Variants in USF3 observed in about 807,000 individuals in gnomAD.
The protein encoded by USF3 is basic helix-loop-helix domain-containing protein USF3.
USF3 carries 29 observed loss-of-function variants against 157.5 expected under a neutral mutation model. The ratio of observed to expected loss-of-function variants is 0.18; its 90% CI spans 0.14 to 0.25. The LOEUF (loss-of-function observed/expected upper bound fraction) is 0.25, where lower values mean the gene tolerates loss of function less well. USF3 is among the 10% of genes least tolerant of loss of function. The pLI is 1.00. For synonymous variants in USF3, 893 were observed against 941.4 expected, an observed-to-expected ratio of 0.95 and a Z score of 0.94; for missense variants, 2,381 against 2,667.6, an observed-to-expected ratio of 0.89 and a Z score of 2.37.
chr3:113,691,111 C>CA (rs1707671975), intron 1 of USF3, among the ~76,000 whole-genome samples: 1 of 152,174 alleles, frequency 6.6e-6, no homozygotes, highest in Admixed American at 6.5e-5. Flanking sequence ...ATGGCTTGAG[C>CA]CCAGGAGGCG....
chr3:113,695,453 C>T (rs933740704), intron 1 of USF3, among the ~76,000 whole-genome samples: 1 of 152,208 alleles, frequency 6.6e-6, no homozygotes, highest in Non-Finnish European at 1.5e-5. Context: ...ATCCATGTAA[C>T]TCACCGTAAG....
chr3:113,661,059 G>A lies in USF3; in HGVS notation c.623C>T (p.Pro208Leu), dbSNP rs1947476084. 6.2e-7 allele frequency: 1 copy of A among 1,614,044 alleles called. No individual in the cohort carries two copies. The highest frequency in any genetic ancestry group is 1.1e-5 in the South Asian group (1 of 91,078). Residue 208 changes from proline (P) to leucine (L), a missense_variant, in exon 7 of 7, where the codon CCA becomes CTA. Around this residue, in one of 6 missense-constraint regions of USF3, gnomAD observed 1,435 missense variants for 1,550.9 expected, o/e 0.93. Transcript: ENST00000316407. The stretch of plus-strand genomic sequence containing the variant: ...TGCAGGAACTGTGGTCTGATGCCAT[G>A]GCTTGTTTTCAGAAGGGTAAACTCC... ...ISGVYPSENK[P>L]WHQTTVPALA... is the part of the protein sequence containing the mutation.
chr3:113,660,260 C>T lies in USF3; in HGVS notation c.1422G>A (p.Val474=). The T allele has an allele frequency of 6.2e-7, 1 of 1,614,176 alleles. No individual in the cohort carries two copies. The highest frequency in any genetic ancestry group is 1.3e-5 in the African/African-American group (1 of 75,040). ...SPTTSNHSRY[V]ATDINLNNSF... is the part of the protein sequence containing the mutation. The stretch of plus-strand genomic sequence containing the variant: ...AATTATTCAAGTTGATGTCTGTAGC[C>T]ACATATCTACTGTGGTTGCTTGTGG... The change falls in exon 7 of 7, where the codon GTG becomes GTA. Residue 474 remains valine, a synonymous_variant. Transcript: ENST00000316407.
rs367971917 is a variant in USF3 at position 113,656,473 on chromosome 3, A to T, written c.5209T>A (p.Phe1737Ile). The change falls in exon 7 of 7, where the codon TTT becomes ATT. Residue 1737 changes from phenylalanine to isoleucine, a missense_variant. By Grantham distance (21) the Phe-to-Ile change is conservative. Transcript: ENST00000316407. ...TGTTGACTAGCTCCACTTGGTTTAA[A>T]CGTCTGACAATCAGAAAGGCGGATA... ...SDIRLSDCQT[F>I]KPSGASQQPQ... 6.2e-7 allele frequency: 1 copy of T among 1,614,120 alleles called. No homozygotes were observed. Among genetic ancestry groups the T allele is most frequent in the Non-Finnish European group, 8.5e-7 (1 of 1,180,038 alleles).
chr3:113,658,833 T>A lies in USF3; in HGVS notation c.2849A>T (p.Asp950Val). The A allele has an allele frequency of 6.2e-7, 1 of 1,614,128 alleles. No homozygotes were observed. Among genetic ancestry groups the A allele is most frequent in the Admixed American group, 1.7e-5 (1 of 60,012 alleles). ...AACCTGAGAAACCAAAATGTGAGGA[T>A]CACTTGGAGATGGAATCAATACATT... ...SANVLIPSPS[D>V]PHILVSQVPG... Residue 950 changes from aspartate to valine, a missense_variant, in exon 7 of 7, where the codon GAT (aspartate) becomes GTT (valine). Transcript: ENST00000316407.
intron 1 of USF3, among the ~76,000 whole-genome samples, chr3:113,679,645 C>T (rs1025519521): frequency 7.2e-5 from 11 of 152,082 alleles, no homozygotes; most frequent in African/African-American, 1.2e-4. Flanking sequence ...AACTCCTGAC[C>T]TCAAGCGACC....
Position 113,659,904 on chromosome 3 carries a change from A to T in USF3, c.1778T>A (p.Leu593His). The T allele has an allele frequency of 6.2e-7, 1 of 1,614,182 alleles. No homozygotes were observed. The highest frequency in any genetic ancestry group is 8.5e-7 in the Non-Finnish European group (1 of 1,180,022). ...IQAANQNPLPLLPAPPPGSVR... is the reference protein window; with the variant it reads ...IQAANQNPLPHLPAPPPGSVR... ...AGAACCAGGAGGTGGAGCAGGGAGG[A>T]GTGGCAAAGGATTCTGATTAGCAGC... The change falls in exon 7 of 7, where the codon CTC (leucine) becomes CAC (histidine). Residue 593 changes from leucine (L) to histidine (H), a missense_variant. Physicochemically the swap from Leu to His is moderately conservative, Grantham distance 99. Coordinates refer to ENST00000316407, the MANE Select transcript of USF3 (RefSeq NM_001009899.4).
At chr3:113,688,549 A>G (rs1707610257) in intron 1 of USF3, among the ~76,000 whole-genome samples, 1 of 152,264 alleles carries the variant, frequency 6.6e-6, no homozygotes, top group Non-Finnish European at 1.5e-5. Flanking sequence ...GGTTCAGTAT[A>G]TAGGATGTAG....
At chr3:113,665,109 T>C (rs1292155240) in intron 5 of USF3, among the ~76,000 whole-genome samples, 1 of 152,142 alleles carries the variant, frequency 6.6e-6, no homozygotes, top group Non-Finnish European at 1.5e-5. Flanking sequence ...AATAAGGTGA[T>C]ACCTGAGCAA....
chr3:113,668,185 A>G (rs1329508134), intron 5 of USF3, among the ~76,000 whole-genome samples: 1 of 152,044 alleles, frequency 6.6e-6, no homozygotes, highest in East Asian at 1.9e-4. Context: ...CTTCCTGCCC[A>G]AACCGCAGGA....
At chr3:113,696,340 T>A (rs1707799828) in intron 1 of USF3, 30 bp downstream of exon 1, 1 of 124,752 alleles carries the variant, frequency 8.0e-6, no homozygotes, top group African/African-American at 3.0e-5. Context: ...CCGCCCCGGC[T>A]GTCAGCGGCC....
At position 113,659,692 on chromosome 3, in the gene USF3, T is replaced by C. The variant is rs1559709995; in HGVS notation, c.1990A>G (p.Ile664Val). The change falls in exon 7 of 7, where the codon ATT (isoleucine) becomes GTT (valine). Residue 664 changes from isoleucine to valine, a missense_variant. Ile to Val is a conservative substitution (Grantham distance 29, BLOSUM62 3). Coordinates refer to ENST00000316407, the MANE Select transcript of USF3 (RefSeq NM_001009899.4). ...GCAAAGAGCTGTCCATTTAAAGAAA[T>C]GGTTTGAGGCTGTTGGTTTGACATG... ...VTMSNQQPQT[I>V]SLNGQLFALQ... 8 of 1,614,168 alleles carry C rather than the reference T, an allele frequency of 5.0e-6. No individual in the cohort carries two copies. The East Asian group carries it at 1.8e-4, about 36-fold the overall frequency.
chr3:113,663,644 T>TTC (rs1238756145), intron 6 of USF3, among the ~76,000 whole-genome samples: 1 of 152,194 alleles, frequency 6.6e-6, no homozygotes, highest in Admixed American at 6.5e-5. Flanking sequence ...TCACAGAAAA[T>TTC]TCTCTCCTTG....
At chr3:113,686,976 G>A (rs549747719) in intron 1 of USF3, among the ~76,000 whole-genome samples, 2 of 151,978 alleles carry the variant, frequency 1.3e-5, no homozygotes, top group South Asian at 2.1e-4. Context: ...TAGCCCACAC[G>A]CAAAGCGAGA....
Position 113,661,169 on chromosome 3 carries a change from A to G in USF3, c.513T>C (p.Asn171=). The G allele has an allele frequency of 6.2e-7, 1 of 1,614,218 alleles. No individual in the cohort carries two copies. The highest frequency in any genetic ancestry group is 8.5e-7 in the Non-Finnish European group (1 of 1,180,042). ...TCTGCTTTTGTAAATTATGACTAAC[A>G]TTAAAAGTTATCCCCTGAACAGCTG... The part of the protein sequence containing the change: ...QGTAVQGITF[N]VSHNLQKQTA... The change falls in exon 7 of 7, where the codon AAT becomes AAC. Residue 171 remains asparagine, a synonymous_variant. Transcript: ENST00000316407.
Position 113,659,773 on chromosome 3 carries a change from A to G in USF3, c.1909T>C (p.Leu637=). ...TFGGKHLVHI[L]PRPSSLSASN... Reference sequence around the variant, plus strand: ...GCTGATAAAGATGAAGGTCTTGGTAATATGTGGACAAGATGCTTTCCTCCA... The same window carrying G: ...GCTGATAAAGATGAAGGTCTTGGTAGTATGTGGACAAGATGCTTTCCTCCA... Residue 637 remains leucine, a synonymous_variant, in exon 7 of 7, where the codon TTA becomes CTA. Coordinates refer to ENST00000316407, the MANE Select transcript of USF3 (RefSeq NM_001009899.4). 6.2e-7 allele frequency: 1 copy of G among 1,614,232 alleles called. No homozygotes were observed. Among genetic ancestry groups the G allele is most frequent in the Non-Finnish European group, 8.5e-7 (1 of 1,180,034 alleles).
rs1947361291 is a variant in USF3 at position 113,656,471 on chromosome 3, A to G, written c.5211T>C (p.Phe1737=). 1.9e-6 allele frequency: 3 copies of G among 1,614,088 alleles called. No individual in the cohort carries two copies. Among genetic ancestry groups the G allele is most frequent in the Admixed American group, 3.3e-5 (2 of 60,016 alleles). Reference sequence around the variant, plus strand: ...GCTGTTGACTAGCTCCACTTGGTTTAAACGTCTGACAATCAGAAAGGCGGA... The same window carrying G: ...GCTGTTGACTAGCTCCACTTGGTTTGAACGTCTGACAATCAGAAAGGCGGA... ...SDIRLSDCQT[F]KPSGASQQPQ... Residue 1737 remains phenylalanine, a synonymous_variant, in exon 7 of 7, where the codon TTT becomes TTC. Coordinates refer to ENST00000316407, the MANE Select transcript of USF3 (RefSeq NM_001009899.4).
chr3:113,672,570 G>A (rs1347518322), intron 4 of USF3, among the ~76,000 whole-genome samples: 1 of 151,878 alleles, frequency 6.6e-6, no homozygotes, highest in Non-Finnish European at 1.5e-5. Flanking sequence ...TCTAATAATA[G>A]TATTTGTTGG....
In USF3 at chr3:113,652,084, GGA is replaced by G. The variant is rs746636350; in HGVS notation, c.*2858_*2859del. On this transcript the variant is annotated 3_prime_UTR_variant, in exon 7 of 7. Transcript: ENST00000316407. ...AGTCCTTCAGAACTTAACAGCCACT[GGA>G]GAGAGAGAGAGAGAGAGAGAGAGTG... 0.022 allele frequency: 3,135 copies of G among 143,276 alleles called. 86 individuals carry two copies. The highest frequency in any genetic ancestry group is 0.11 in the East Asian group (518 of 4,662). The allele number at this position is 143,276 out of a possible 1,614,324, so 8.9% of individuals were successfully genotyped here.
Sources: gnomAD v4.1 joint callset for allele counts (sites outside exome capture counted in the v4.1 genomes callset) on GRCh38, gnomAD v4.1.1 for gene constraint, gnomAD v4.1.1 regional missense constraint, MANE v1.5 for transcripts, NCBI Gene and HGNC (gene_info 2026-07-23, HGNC 2026-07-21) for gene names.